Variants in AMT observed in about 807,000 individuals in gnomAD.
AMT encodes the protein aminomethyltransferase, mitochondrial.
A neutral mutation model predicts 39.5 loss-of-function variants in AMT; 24 were observed. The observed-to-expected ratio is 0.61, with a 90% CI of 0.44 to 0.86. The LOEUF (loss-of-function observed/expected upper bound fraction) is 0.86. Ranked by LOEUF, AMT falls within the 40% of genes least tolerant of loss-of-function variation. AMT has a pLI of 0.00. For synonymous variants in AMT, 210 were observed against 212.1 expected, an observed-to-expected ratio of 0.99 and a Z score of 0.09; for missense variants, 501 against 537.0, an observed-to-expected ratio of 0.93 and a Z score of 0.66.
At chr3:49,421,628 A>T in intron 2 of AMT, 56 bp from the exon 3 acceptor site, 1 of 1,509,412 alleles carries the variant, frequency 6.6e-7, no homozygotes, top group Non-Finnish European at 9.2e-7. Flanking sequence ...CCAAAAGGCT[A>T]CTAAGCAAGG....
At chr3:49,417,996 T>C (rs1320514716) in intron 7 of AMT, 23 bp from the exon 8 acceptor site, 1 of 1,593,076 alleles carries the variant, frequency 6.3e-7, no homozygotes, top group Admixed American at 1.8e-5. Flanking sequence ...ACATGAGACA[T>C]AAGCCACAGC....
At chr3:49,419,660 T>A (rs1369067570) in intron 5 of AMT, 50 bp downstream of exon 5, 2 of 1,575,624 alleles carry the variant, frequency 1.3e-6, no homozygotes, top group Admixed American at 3.3e-5. Context: ...AAGCAGTCAA[T>A]GAAGCCAGGA....
intron 4 of AMT, 112 bp from the exon 5 acceptor site, chr3:49,419,900 A>AG: frequency 9.3e-7 from 1 of 1,075,486 alleles, no homozygotes; most frequent in Non-Finnish European, 1.4e-6. Flanking sequence ...AGGAGGAGGG[A>AG]GGAAAAAAAA....
At chr3:49,419,864 A>G (rs1398094698) in intron 4 of AMT, 76 bp from the exon 5 acceptor site, 1 of 1,373,940 alleles carries the variant, frequency 7.3e-7, no homozygotes, top group East Asian at 2.3e-5. Flanking sequence ...GCAGAGCTGG[A>G]CAGTAGTAGG....
Position 49,422,266 on chromosome 3 carries a change from C to T in AMT, c.96G>A (p.Val32=). The part of the protein sequence containing the change: ...LCRPLSCAQE[V]LRRTPLYDFH... ...AGTCATAGAGCGGTGTCCTGCGGAG[C>T]ACCTCCTGTGGGCGGCTGGGCTTAG... Residue 32 remains valine (V), a synonymous_variant, in exon 2 of 9, where the codon GTG becomes GTA. Transcript: ENST00000273588. 1 of 1,614,024 alleles carries T rather than the reference C, an allele frequency of 6.2e-7. No homozygotes were observed. Among genetic ancestry groups the T allele is most frequent in the Non-Finnish European group, 8.5e-7 (1 of 1,179,990 alleles).
intron 7 of AMT, chr3:49,418,742 T>C: frequency 1.9e-6 from 1 of 536,488 alleles, no homozygotes; most frequent in South Asian, 1.9e-5. Flanking sequence ...CCTGACCTCG[T>C]GATCCACCCG....
chr3:49,419,339 G>A lies in AMT; in HGVS notation c.617C>T (p.Thr206Ile). Residue 206 changes from threonine (T) to isoleucine (I), a missense_variant, in exon 6 of 9, where the codon ACC (threonine) becomes ATC (isoleucine). Coordinates refer to ENST00000273588, the MANE Select transcript of AMT (RefSeq NM_000481.4). Reference sequence around the variant, plus strand: ...GCCAAACACCTCCATCACAGCACTGGTCATGAAGGGCAGTTTCCTCAGGTC... The same window carrying A: ...GCCAAACACCTCCATCACAGCACTGATCATGAAGGGCAGTTTCCTCAGGTC... ...ADDLRKLPFMTSAVMEVFGVS... is the reference protein window; with the variant it reads ...ADDLRKLPFMISAVMEVFGVS... The A allele has an allele frequency of 6.2e-7, 1 of 1,614,200 alleles. No individual in the cohort carries two copies. The highest frequency in any genetic ancestry group is 1.3e-5 in the African/African-American group (1 of 75,050).
At chr3:49,418,493 T>TC in intron 7 of AMT, 1 of 147,694 alleles carries the variant, frequency 6.8e-6, no homozygotes, top group Non-Finnish European at 1.4e-5. Flanking sequence ...ATCTTCAGTT[T>TC]CTTTTTTTTT....
chr3:49,418,096 G>A lies in AMT; in HGVS notation c.878-123C>T, dbSNP rs983292400. Reference sequence around the variant, plus strand: ...AGGCCCCTTTGCTTGGGCTACTCCAGGCTCTATTCCTCCCTTCACTGCCGT... The same window carrying A: ...AGGCCCCTTTGCTTGGGCTACTCCAAGCTCTATTCCTCCCTTCACTGCCGT... On this transcript the variant is annotated intron_variant, in intron 7 of 8. Coordinates refer to ENST00000273588, the MANE Select transcript of AMT (RefSeq NM_000481.4). 9 of 1,287,962 alleles carry A rather than the reference G, an allele frequency of 7.0e-6. No individual in the cohort carries two copies. The African/African-American group carries it at 7.4e-5, about 11-fold the overall frequency. The allele number at this position is 1,287,962 out of a possible 1,614,324, so 79.8% of individuals were successfully genotyped here. A position where few individuals can be genotyped will look rare whatever the true frequency, so the allele number is the denominator to read the frequency against.
At chr3:49,421,946 T>C (rs1354236044) in intron 2 of AMT, 158 bp downstream of exon 2, 6 of 1,012,778 alleles carry the variant, frequency 5.9e-6, no homozygotes, top group Non-Finnish European at 6.1e-6. Flanking sequence ...GCTCATTTCC[T>C]TGGGGCCATT....
At position 49,422,244 on chromosome 3, in the gene AMT, CAT is replaced by C; in HGVS notation, c.116_117del (p.Tyr39Ter). 6.2e-7 allele frequency: 1 copy of C among 1,614,074 alleles called. No individual in the cohort carries two copies. Among genetic ancestry groups the C allele is most frequent in the Non-Finnish European group, 8.5e-7 (1 of 1,180,002 alleles). On this transcript the variant is annotated frameshift_variant, in exon 2 of 9. Coordinates refer to ENST00000273588, the MANE Select transcript of AMT (RefSeq NM_000481.4). LOFTEE classifies it high-confidence loss of function. ...TTCCCGCCGTGGGCCAGGTGGAAGT[CAT>C]AGAGCGGTGTCCTGCGGAGCACCTC... is the stretch of plus-strand genomic sequence containing the variant. Reference protein sequence around the residue: ...AQEVLRRTPLYDFHLAHGGKM... With the variant: ...AQEVLRRTPLXDFHLAHGGKM...
rs943991980 is a variant in AMT, at chr3:49,422,439, A to G, written c.12T>C (p.Ala4=). The G allele has an allele frequency of 6.2e-7, 1 of 1,613,230 alleles. No homozygotes were observed. Among genetic ancestry groups the G allele is most frequent in the African/African-American group, 1.3e-5 (1 of 74,928 alleles). The change falls in exon 1 of 9, where the codon GCT becomes GCC. Residue 4 remains alanine, a synonymous_variant. Transcript: ENST00000273588. Reference sequence around the variant, plus strand: ...AGCCCAGACGGGCCACCACACTTACAGCCCTCTGCATCGTCGCCTGCAACG... The same window carrying G: ...AGCCCAGACGGGCCACCACACTTACGGCCCTCTGCATCGTCGCCTGCAACG... MQR[A]VSVVARLGFR...
rs1423542418 is a variant in AMT at position 49,417,050 on chromosome 3, A to G, written c.*490T>C. 4 of 603,112 alleles carry G rather than the reference A, an allele frequency of 6.6e-6. No homozygotes were observed. Among genetic ancestry groups the G allele is most frequent in the Non-Finnish European group, 1.2e-5 (4 of 323,536 alleles). The allele number at this position is 603,112 out of a possible 1,614,324, so 37.4% of individuals were successfully genotyped here. A position where few individuals can be genotyped will look rare whatever the true frequency, so the allele number is the denominator to read the frequency against. ...AGGCATAGCAGCCCTACTGTGAGTC[A>G]GCAATCATTCCTGACTTGCAGTAAG... is the stretch of plus-strand genomic sequence containing the variant. On this transcript the variant is annotated 3_prime_UTR_variant, in exon 9 of 9. Transcript: ENST00000273588.
chr3:49,417,542 AC>A lies in AMT; in HGVS notation c.1209del (p.Lys403AsnfsTer34), dbSNP rs1553638189. On this transcript the variant is annotated frameshift_variant, in exon 9 of 9. Coordinates refer to ENST00000273588, the MANE Select transcript of AMT (RefSeq NM_000481.4). LOFTEE classifies it high-confidence loss of function. ...PFVPTNYYTL[K>X] ...GACAGCCCCACCCTGAGCCAGCTTC[AC>A]TTGAGGGTATAGTAGTTTGTGGGCA... 31 of 1,614,156 alleles carry A rather than the reference AC, an allele frequency of 1.9e-5. No homozygotes were observed. The highest frequency in any genetic ancestry group is 2.6e-5 in the Non-Finnish European group (31 of 1,180,016).
chr3:49,418,133 C>A (rs1248961633), intron 7 of AMT, 160 bp from the exon 8 acceptor site: 1 of 868,750 alleles, frequency 1.2e-6, no homozygotes, highest in Non-Finnish European at 1.8e-6. Flanking sequence ...AGCCAACCAA[C>A]CACCTCCTAT....
rs117520713 is a variant in AMT at position 49,417,244 on chromosome 3, G to A, written c.*296C>T. ...ACAGCCAGCACCTGGCAGAGTGGGA[G>A]AGATGGCAGAACCAAAGCTTCTCAT... On this transcript the variant is annotated 3_prime_UTR_variant, in exon 9 of 9. Transcript: ENST00000273588. 4.4e-6 allele frequency: 7 copies of A among 1,585,516 alleles called. No homozygotes were observed. The highest frequency in any genetic ancestry group is 2.2e-5 in the East Asian group (1 of 44,790).
intron 7 of AMT, chr3:49,418,187 C>CTT (rs71080510): frequency 1.1e-3 from 554 of 508,972 alleles, no homozygotes; most frequent in African/African-American, 3.6e-3. Context: ...TCTTCAGTTT[C>CTT]TTTTTTTTTT....
chr3:49,418,134 C>T (rs945103319), intron 7 of AMT, 161 bp from the exon 8 acceptor site: 2 of 857,850 alleles, frequency 2.3e-6, no homozygotes, highest in Non-Finnish European at 1.9e-6. Context: ...GCCAACCAAC[C>T]ACCTCCTATC....
At chr3:49,419,431 G>A (rs773590861) in intron 5 of AMT, 26 bp from the exon 6 acceptor site, 2 of 1,612,206 alleles carry the variant, frequency 1.2e-6, no homozygotes, top group South Asian at 2.2e-5. Context: ...CAGTGACCAA[G>A]TATCCAGGTC....
Sources: allele counts gnomAD v4.1 joint callset, GRCh38; gene constraint gnomAD v4.1.1; transcripts MANE v1.5; gene names NCBI Gene and HGNC (gene_info 2026-07-23, HGNC 2026-07-21).